Variants in ZNF83 observed in about 807,000 individuals in gnomAD.
The protein encoded by ZNF83 is zinc finger protein 83, also known as zinc finger protein 816B.
For synonymous variants in ZNF83, 209 were observed against 213.0 expected, an observed-to-expected ratio of 0.98 and a Z score of 0.17; for missense variants, 552 against 629.9, an observed-to-expected ratio of 0.88 and a Z score of 1.32.
chr19:52,628,521 C>T (rs554752793), intron 2 of ZNF83, among the ~76,000 whole-genome samples: 10 of 152,118 alleles, frequency 6.6e-5, no homozygotes, highest in South Asian at 4.1e-4. Flanking sequence ...GCGCCGGTCA[C>T]GGAGTAGGGA....
At chr19:52,677,306 T>TAAAA (rs67835464) in intron 1 of ZNF83, among the ~76,000 whole-genome samples, 1 of 106,464 alleles carries the variant, frequency 9.4e-6, no homozygotes, top group East Asian at 5.1e-4. Flanking sequence ...AATTGAGAAG[T>TAAAA]AAAAAAAAAA....
intron 2 of ZNF83, among the ~76,000 whole-genome samples, chr19:52,659,267 G>A (rs901994074): frequency 6.6e-6 from 1 of 152,062 alleles, no homozygotes; most frequent in African/African-American, 2.4e-5. Context: ...CATGAGGAAC[G>A]CGACCCCCGA....
intron 3 of ZNF83, among the ~76,000 whole-genome samples, chr19:52,645,814 A>T (rs932709046): frequency 1.3e-5 from 2 of 151,078 alleles, no homozygotes; most frequent in African/African-American, 4.9e-5. Context: ...CCCCCCCCAA[A>T]AAAAGGATAA....
rs186746556 is a variant in ZNF83 at position 52,614,671 on chromosome 19, T to A, written c.-107A>T. ...AGAGTCATGTACATTTTTCTGGGTTTCTCTGAAGCAAAAATCTTGTATGTC... is the reference window on the plus strand; with the variant it reads ...AGAGTCATGTACATTTTTCTGGGTTACTCTGAAGCAAAAATCTTGTATGTC... On this transcript the variant is annotated 5_prime_UTR_variant, in exon 3 of 3. The change creates a premature stop within an existing upstream ORF in the 5' untranslated region. Coordinates refer to ENST00000301096, the Ensembl canonical transcript of ZNF83. 1 of 1,366,396 alleles carries A rather than the reference T, an allele frequency of 7.3e-7. No individual in the cohort carries two copies. Among genetic ancestry groups the A allele is most frequent in the Non-Finnish European group, 9.5e-7 (1 of 1,052,814 alleles). 84.6% of individuals were successfully genotyped at this position (1,366,396 alleles called of 1,614,324 possible).
chr19:52,621,569 T>C (rs1450518151), intron 2 of ZNF83, among the ~76,000 whole-genome samples: 2 of 147,976 alleles, frequency 1.4e-5, no homozygotes, highest in Non-Finnish European at 3.0e-5. Flanking sequence ...CATTTCCTCT[T>C]TGTGGCAAGT....
chr19:52,690,429 A>G, intron 1 of ZNF83: 1 of 178,044 alleles, frequency 5.6e-6, no homozygotes, highest in Non-Finnish European at 1.2e-5. Context: ...TTAATACAAA[A>G]CAGCGAAACT....
Position 52,619,126 on chromosome 19 carries a change from A to G in ZNF83, c.-233-4329T>C, listed in dbSNP as rs998652427. On this transcript the variant is annotated intron_variant, in intron 2 of 2. Transcript: ENST00000301096. ...GGAGTTCTTATCTTTACAGAAAATGAGGAGAGCGGTGACAACAAGGATTTA... is the reference window on the plus strand; with the variant it reads ...GGAGTTCTTATCTTTACAGAAAATGGGGAGAGCGGTGACAACAAGGATTTA... 13 of 1,612,130 alleles carry G rather than the reference A, an allele frequency of 8.1e-6. No homozygotes were observed. The African/African-American group carries it at 1.5e-4, about 18-fold the overall frequency.
intron 1 of ZNF83, among the ~76,000 whole-genome samples, chr19:52,665,485 G>A (rs1324339383): frequency 6.6e-6 from 1 of 151,936 alleles, no homozygotes; most frequent in Non-Finnish European, 1.5e-5. Flanking sequence ...CCTTACATTT[G>A]TTATTTTATG....
intron 2 of ZNF83, among the ~76,000 whole-genome samples, chr19:52,621,877 G>A (rs2060561607): frequency 6.6e-6 from 1 of 152,154 alleles, no homozygotes. Context: ...ATGGTCTGAG[G>A]TGCCTTATGT....
intron 2 of ZNF83, among the ~76,000 whole-genome samples, chr19:52,622,633 C>T (rs182219670): frequency 9.9e-5 from 15 of 151,312 alleles, no homozygotes; most frequent in Admixed American, 2.0e-4. Context: ...CAAACTTAAA[C>T]GACCCAAGGT....
chr19:52,623,448 G>GAAC (rs1336744776), intron 2 of ZNF83, among the ~76,000 whole-genome samples: 2 of 152,228 alleles, frequency 1.3e-5, no homozygotes, highest in East Asian at 3.9e-4. Flanking sequence ...GTGCCAACTT[G>GAAC]AACAATATTC....
chr19:52,645,976 GC>G (rs2061368143), intron 3 of ZNF83, among the ~76,000 whole-genome samples: 1 of 151,990 alleles, frequency 6.6e-6, no homozygotes, highest in African/African-American at 2.4e-5. Context: ...GACTTGCTCT[GC>G]CACCCAGGCT....
At chr19:52,675,087 T>C (rs1232092517) in intron 1 of ZNF83, among the ~76,000 whole-genome samples, 1 of 152,214 alleles carries the variant, frequency 6.6e-6, no homozygotes, top group African/African-American at 2.4e-5. Flanking sequence ...TAATCACCAA[T>C]GTCACTGAAG....
intron 1 of ZNF83, chr19:52,674,302 C>T: frequency 6.6e-6 from 1 of 152,220 alleles, no homozygotes; most frequent in East Asian, 1.9e-4. Context: ...AAAAGACCAT[C>T]CATGAAATGA....
chr19:52,639,755 A>G (rs957377252), upstream of ZNF83, among the ~76,000 whole-genome samples: 3 of 151,958 alleles, frequency 2.0e-5, no homozygotes, highest in Admixed American at 6.6e-5. Context: ...AAATTTTGAG[A>G]AAATATAATG....
chr19:52,669,815 G>A (rs2061699775), intron 1 of ZNF83, among the ~76,000 whole-genome samples: 1 of 152,124 alleles, frequency 6.6e-6, no homozygotes, highest in Non-Finnish European at 1.5e-5. Flanking sequence ...TGGTGCAGAG[G>A]CTCATAAAAA....
At chr19:52,629,352 C>T (rs964007646) in intron 2 of ZNF83, among the ~76,000 whole-genome samples, 4 of 152,064 alleles carry the variant, frequency 2.6e-5, no homozygotes, top group African/African-American at 7.2e-5. Flanking sequence ...TCCTTCTTTC[C>T]CTCCTGCCTG....
At chr19:52,614,094 G>C in exon 3 of ZNF83, 1 of 1,613,596 alleles carries the variant, frequency 6.2e-7, no homozygotes, top group Non-Finnish European at 8.5e-7. Context: ...TATTATGGAA[G>C]ACCTTGCCAC....
intron 3 of ZNF83, chr19:52,652,592 C>A: frequency 2.3e-6 from 1 of 435,484 alleles, no homozygotes; most frequent in Non-Finnish European, 4.6e-6. Flanking sequence ...CACTGATGAA[C>A]TGCAAGCTAT....
Sources: gnomAD v4.1 joint callset for allele counts (sites outside exome capture counted in the v4.1 genomes callset) on GRCh38, gnomAD v4.1.1 for gene constraint, MANE v1.5 for transcripts, NCBI Gene and HGNC (gene_info 2026-07-23, HGNC 2026-07-21) for gene names.